The following TENM2 variants were observed in gnomAD, a reference collection of about 807,000 sequenced individuals.
TENM2 encodes the protein teneurin-2.
In TENM2, 52 loss-of-function variants were observed where a neutral mutation model predicts 245.2. That is an observed-to-expected ratio of 0.21 (90% CI 0.17 to 0.27). The LOEUF is 0.27. Ranked by LOEUF, TENM2 falls within the 10% of genes least tolerant of loss-of-function variation. The pLI is 1.00. For missense variants in TENM2, 3,046 were observed against 3,666.8 expected (o/e 0.83, Z 4.37); for synonymous variants, 1,363 against 1,438.9 (o/e 0.95, Z 1.19).
At chr5:167,999,087 G>A (rs181558574) in intron 5 of TENM2, among the ~76,000 whole-genome samples, 1 of 152,238 alleles carries the variant, frequency 6.6e-6, no homozygotes, top group Admixed American at 6.5e-5. Flanking sequence ...ACACTTGCCT[G>A]GCATCTTTTG....
At chr5:167,815,898 C>T (rs1349644827) in intron 2 of TENM2, among the ~76,000 whole-genome samples, 1 of 151,908 alleles carries the variant, frequency 6.6e-6, no homozygotes, top group Non-Finnish European at 1.5e-5. Flanking sequence ...TCTTCTTTCC[C>T]CTGACCTTTT....
intron 4 of TENM2, among the ~76,000 whole-genome samples, chr5:167,968,200 T>G (rs1380012720): frequency 6.6e-6 from 1 of 152,218 alleles, no homozygotes; most frequent in Non-Finnish European, 1.5e-5. Context: ...GGTTTTTTTC[T>G]TTCAAAACCC....
chr5:167,741,341 T>C (rs1179588903), intron 2 of TENM2, among the ~76,000 whole-genome samples: 1 of 152,060 alleles, frequency 6.6e-6, no homozygotes, highest in African/African-American at 2.4e-5. Context: ...TTTAGGAAAA[T>C]AGGGTTAAGA....
chr5:167,559,453 C>T (rs1175486344), intron 2 of TENM2, among the ~76,000 whole-genome samples: 1 of 152,124 alleles, frequency 6.6e-6, no homozygotes, highest in African/African-American at 2.4e-5. Flanking sequence ...GTTCTCAAAC[C>T]ATTGCTTTAG....
At chr5:168,093,388 G>A (rs1056821273) in intron 8 of TENM2, among the ~76,000 whole-genome samples, 7 of 152,306 alleles carry the variant, frequency 4.6e-5, no homozygotes, top group East Asian at 1.9e-4. Flanking sequence ...TCTTGATGGA[G>A]CAATGATAGT....
chr5:168,201,071 CA>C (rs1410706447), intron 17 of TENM2, among the ~76,000 whole-genome samples: 2 of 152,016 alleles, frequency 1.3e-5, no homozygotes, highest in Non-Finnish European at 2.9e-5. Flanking sequence ...TAGGCACCCT[CA>C]TAACCCCATT....
the TENM2 span, among the ~76,000 whole-genome samples, chr5:167,258,122 A>G: frequency 6.6e-6 from 1 of 151,340 alleles, no homozygotes; most frequent in Non-Finnish European, 1.5e-5. Flanking sequence ...ATTTGACTCA[A>G]AAGAAATAGT....
chr5:168,263,680 T>C (rs1768409821), downstream of TENM2: 1 of 152,626 alleles, frequency 6.6e-6, no homozygotes, highest in African/African-American at 2.4e-5. Flanking sequence ...CTTTGGAGAT[T>C]CCATTGTGGA....
At chr5:167,039,794 A>G in the TENM2 span, among the ~76,000 whole-genome samples, 3 of 152,070 alleles carry the variant, frequency 2.0e-5, no homozygotes, top group Non-Finnish European at 4.4e-5. Flanking sequence ...GATTTTTTGT[A>G]CCTTGAGTAT....
chr5:167,412,877 G>GC lies in TENM2; in HGVS notation c.502+37405dup, dbSNP rs747491079. Among the ~76,000 whole-genome samples, 4 of 73,566 alleles carry GC rather than the reference G, an allele frequency of 5.4e-5. No homozygotes were observed. In the South Asian group the frequency reaches 2.1e-3, roughly 38 times the overall value. The allele number at this position is 73,566 out of a possible 152,430, so 48.3% of individuals were successfully genotyped here. A position where few individuals can be genotyped will look rare whatever the true frequency, so the allele number is the denominator to read the frequency against. ...AGAGTCTGAAAATATGTCATCGAAAGCAAAAAAAAAAAAAAGTGACTTCAA... is the reference window on the plus strand; with the variant it reads ...AGAGTCTGAAAATATGTCATCGAAAGCCAAAAAAAAAAAAAAGTGACTTCAA... On this transcript the variant is annotated intron_variant, in intron 2 of 28. Coordinates refer to ENST00000518659, the Ensembl canonical transcript of TENM2.
chr5:168,008,274 G>A (rs1012605706), intron 5 of TENM2, among the ~76,000 whole-genome samples: 1 of 152,298 alleles, frequency 6.6e-6, no homozygotes, highest in East Asian at 1.9e-4. Context: ...AGAATTAATA[G>A]GGTGTTATGA....
intron 2 of TENM2, among the ~76,000 whole-genome samples, chr5:167,682,056 T>C (rs1166822931): frequency 1.4e-5 from 2 of 140,942 alleles, no homozygotes; most frequent in African/African-American, 5.7e-5. Context: ...TTCCCTTTCT[T>C]CCTTCCTTCC....
chr5:168,015,863 G>A (rs745528698), intron 5 of TENM2, among the ~76,000 whole-genome samples: 3 of 152,184 alleles, frequency 2.0e-5, no homozygotes, highest in Non-Finnish European at 1.5e-5. Context: ...GGCTTTCCTT[G>A]AATCCCTCGT....
At chr5:168,097,087 G>A (rs1253546603) in intron 8 of TENM2, among the ~76,000 whole-genome samples, 3 of 152,244 alleles carry the variant, frequency 2.0e-5, no homozygotes, top group South Asian at 2.1e-4. Flanking sequence ...TTGTATAACC[G>A]CAAACCTCCT....
intron 2 of TENM2, among the ~76,000 whole-genome samples, chr5:167,538,116 A>G (rs1216156334): frequency 6.6e-6 from 1 of 152,218 alleles, no homozygotes; most frequent in Non-Finnish European, 1.5e-5. Context: ...TGGACCTAAC[A>G]GAGTGTGTGC....
chr5:167,028,002 A>C, the TENM2 span, among the ~76,000 whole-genome samples: 1 of 146,806 alleles, frequency 6.8e-6, no homozygotes, highest in African/African-American at 2.5e-5. Flanking sequence ...GCCTAGAGGC[A>C]GAGGTTGTGG....
intron 12 of TENM2, among the ~76,000 whole-genome samples, chr5:168,137,361 C>T (rs2152390988): frequency 6.6e-6 from 1 of 152,336 alleles, no homozygotes; most frequent in South Asian, 2.1e-4. Flanking sequence ...GCTTTAACTT[C>T]AAGAGGGATT....
chr5:167,097,510 C>A, the TENM2 span, among the ~76,000 whole-genome samples: 1 of 152,000 alleles, frequency 6.6e-6, no homozygotes, highest in Non-Finnish European at 1.5e-5. Context: ...TCCGGGCACT[C>A]GCCTGCAGGT....
the TENM2 span, among the ~76,000 whole-genome samples, chr5:167,225,027 G>A: frequency 6.6e-6 from 1 of 151,878 alleles, no homozygotes; most frequent in South Asian, 2.1e-4. Context: ...GTATAGAAAT[G>A]CTATTGATTT....
Sources: allele counts gnomAD v4.1 joint callset (sites outside exome capture counted in the v4.1 genomes callset), GRCh38; gene constraint gnomAD v4.1.1; transcripts MANE v1.5; gene names NCBI Gene and HGNC (gene_info 2026-07-23, HGNC 2026-07-21).